LRCH1: variants seen among roughly 807,000 people sequenced by gnomAD.
LRCH1 encodes leucine-rich repeat and calponin homology domain-containing protein 1.
A neutral mutation model predicts 94.9 loss-of-function variants in LRCH1; 23 were observed. The observed-to-expected ratio is 0.24, with a 90% CI of 0.17 to 0.34. The LOEUF is 0.34. Ranked by LOEUF, LRCH1 falls within the 10% of genes least tolerant of loss-of-function variation. The probability of loss-of-function intolerance (pLI) is 1.00; values close to 1 mark genes in which losing one functional copy is unlikely to be tolerated. For synonymous variants in LRCH1, 364 were observed against 354.9 expected (o/e 1.03, Z -0.29); for missense variants, 790 against 945.9 (o/e 0.84, Z 2.16).
intron 3 of LRCH1, among the ~76,000 whole-genome samples, chr13:46,681,471 A>G (rs1056148636): frequency 6.6e-6 from 1 of 152,220 alleles, no homozygotes; most frequent in Non-Finnish European, 1.5e-5. Context: ...AAATCGAAGC[A>G]TGTCAAAGTG....
chr13:46,614,586 A>C (rs1343862834), intron 1 of LRCH1, among the ~76,000 whole-genome samples: 1 of 152,216 alleles, frequency 6.6e-6, no homozygotes, highest in African/African-American at 2.4e-5. Context: ...TCTAGTGGTA[A>C]ATACTGTTTC....
At chr13:46,578,591 A>C (rs2050329330) in intron 1 of LRCH1, among the ~76,000 whole-genome samples, 1 of 152,206 alleles carries the variant, frequency 6.6e-6, no homozygotes, top group Non-Finnish European at 1.5e-5. Context: ...CTCCTTAAGA[A>C]TAACCTATTT....
At chr13:46,748,259 T>C (rs753918164), downstream of LRCH1, among the ~76,000 whole-genome samples, 3 of 151,002 alleles carry the variant, frequency 2.0e-5, no homozygotes, top group Non-Finnish European at 4.4e-5. Context: ...CTTTATGTTA[T>C]TGGGAGGGGT....
chr13:46,630,435 A>G (rs796870455), intron 1 of LRCH1, among the ~76,000 whole-genome samples: 3 of 152,374 alleles, frequency 2.0e-5, no homozygotes, highest in African/African-American at 4.8e-5. Context: ...AGATTTAGCA[A>G]TGGGGGACTT....
At chr13:46,589,058 G>T (rs183317476) in intron 1 of LRCH1, among the ~76,000 whole-genome samples, 1 of 151,332 alleles carries the variant, frequency 6.6e-6, no homozygotes, top group Non-Finnish European at 1.5e-5. Flanking sequence ...ATTTTTTAAG[G>T]CAGGGTCTCA....
intron 1 of LRCH1, among the ~76,000 whole-genome samples, chr13:46,633,284 G>T (rs573644820): frequency 6.6e-6 from 1 of 152,242 alleles, no homozygotes; most frequent in East Asian, 1.9e-4. Flanking sequence ...CAATATTTTT[G>T]TTGTTTTGGG....
chr13:46,645,039 A>G (rs2051203339), intron 1 of LRCH1, among the ~76,000 whole-genome samples: 1 of 152,214 alleles, frequency 6.6e-6, no homozygotes, highest in Non-Finnish European at 1.5e-5. Context: ...CAGGGAAGAA[A>G]TTACTTGGAA....
chr13:46,729,843 T>C (rs1375284793), intron 18 of LRCH1, among the ~76,000 whole-genome samples: 1 of 152,194 alleles, frequency 6.6e-6, no homozygotes, highest in Non-Finnish European at 1.5e-5. Context: ...CTTCAACAAT[T>C]GCTTGATCAG....
chr13:46,607,095 G>C (rs1256381745), intron 1 of LRCH1, among the ~76,000 whole-genome samples: 1 of 152,156 alleles, frequency 6.6e-6, no homozygotes, highest in African/African-American at 2.4e-5. Flanking sequence ...TCAGTTCCTG[G>C]CCCTGAGAGA....
rs2137883545 is a variant in LRCH1, at chr13:46,553,289, T to C, written c.-108T>C. 2 of 864,066 alleles carry C rather than the reference T, an allele frequency of 2.3e-6. No individual in the cohort carries two copies. Among genetic ancestry groups the C allele is most frequent in the Admixed American group, 2.8e-5 (1 of 35,718 alleles). The allele number at this position is 864,066 out of a possible 1,614,324, so 53.5% of individuals were successfully genotyped here. On this transcript the variant is annotated 5_prime_UTR_variant, in exon 1 of 20. Coordinates refer to ENST00000389797, the MANE Select transcript of LRCH1 (RefSeq NM_001164211.2). ...CCTCCTCCCCTCCTTCCAGCGCCTT[T>C]CGGTGGAGCACTGCGGCACTCAGCC... is the stretch of plus-strand genomic sequence containing the variant.
At chr13:46,652,066 T>C (rs557478139) in intron 2 of LRCH1, among the ~76,000 whole-genome samples, 1 of 133,538 alleles carries the variant, frequency 7.5e-6, no homozygotes, top group African/African-American at 2.9e-5. Context: ...TTTTTTTTTT[T>C]TTTTTTTTTG....
At chr13:46,571,318 G>A (rs1242136236) in intron 1 of LRCH1, among the ~76,000 whole-genome samples, 1 of 152,178 alleles carries the variant, frequency 6.6e-6, no homozygotes, top group East Asian at 1.9e-4. Flanking sequence ...GATCAGCGGC[G>A]TGTTTCCATT....
chr13:46,677,255 C>CAAAAAAAA (rs67827727), intron 3 of LRCH1, among the ~76,000 whole-genome samples: 3,515 of 97,462 alleles, frequency 0.036, no homozygotes, highest in Non-Finnish European at 0.048. Flanking sequence ...ACTAAAAATA[C>CAAAAAAAA]AAAAAAAAAA....
chr13:46,674,076 T>G (rs1382962735), intron 3 of LRCH1, among the ~76,000 whole-genome samples: 1 of 152,132 alleles, frequency 6.6e-6, no homozygotes, highest in East Asian at 1.9e-4. Flanking sequence ...GCCACCATGC[T>G]TGGTCAGAAT....
At chr13:46,592,525 A>G (rs1175147154) in intron 1 of LRCH1, among the ~76,000 whole-genome samples, 1 of 152,242 alleles carries the variant, frequency 6.6e-6, no homozygotes, top group African/African-American at 2.4e-5. Context: ...TATGGCCATT[A>G]TTAGAGAATG....
At chr13:46,621,876 C>G (rs2050884061) in intron 1 of LRCH1, among the ~76,000 whole-genome samples, 1 of 152,126 alleles carries the variant, frequency 6.6e-6, no homozygotes, top group Non-Finnish European at 1.5e-5. Context: ...GAGACGTTTG[C>G]TTTCATCTCT....
At chr13:46,729,575 G>T (rs933907600) in intron 18 of LRCH1, among the ~76,000 whole-genome samples, 2 of 147,228 alleles carry the variant, frequency 1.4e-5, no homozygotes, top group Non-Finnish European at 3.0e-5. Context: ...AAAAGAAAAA[G>T]AAAAAAGAAA....
At chr13:46,734,376 C>T (rs1593384776) in intron 19 of LRCH1, among the ~76,000 whole-genome samples, 1 of 152,214 alleles carries the variant, frequency 6.6e-6, no homozygotes, top group Non-Finnish European at 1.5e-5. Context: ...ATCCCAGGCT[C>T]TGAAGAAAAG....
intron 1 of LRCH1, among the ~76,000 whole-genome samples, chr13:46,580,575 A>G (rs2050353818): frequency 6.6e-6 from 1 of 152,158 alleles, no homozygotes; most frequent in African/African-American, 2.4e-5. Flanking sequence ...AATCTCTAAG[A>G]CTCGTAAGCC....
Sources: gnomAD v4.1 joint callset for allele counts (sites outside exome capture counted in the v4.1 genomes callset) on GRCh38, gnomAD v4.1.1 for gene constraint, MANE v1.5 for transcripts, NCBI Gene and HGNC (gene_info 2026-07-23, HGNC 2026-07-21) for gene names.